NMT2: variants seen among roughly 807,000 people sequenced by gnomAD.
NMT2 encodes N-myristoyltransferase 2.
In NMT2, 35 loss-of-function variants were observed where a neutral mutation model predicts 65.4. The ratio of observed to expected loss-of-function variants is 0.54; its 90% CI spans 0.41 to 0.71. NMT2 has a LOEUF of 0.71. Ranked by LOEUF, NMT2 falls within the 30% of genes least tolerant of loss-of-function variation. The probability of loss-of-function intolerance (pLI) is 0.00; values close to 1 mark genes in which losing one functional copy is unlikely to be tolerated. For synonymous variants in NMT2, 226 were observed against 231.8 expected (o/e 0.98, Z 0.23); for missense variants, 489 against 611.3 (o/e 0.80, Z 2.11).
chr10:15,134,836 G>A (rs1315364766), intron 3 of NMT2, among the ~76,000 whole-genome samples: 7 of 152,020 alleles, frequency 4.6e-5, no homozygotes, highest in Non-Finnish European at 7.4e-5. Context: ...ACAAAAATTA[G>A]CCAGGTGTGG....
chr10:15,158,222 A>G (rs992364593), intron 1 of NMT2, among the ~76,000 whole-genome samples: 21 of 152,152 alleles, frequency 1.4e-4, no homozygotes, highest in African/African-American at 5.1e-4. Context: ...AGGCTGAGGC[A>G]GGAGAATCTC....
intron 6 of NMT2, 27 bp from the exon 7 acceptor site, chr10:15,130,339 A>G (rs1477268776): frequency 6.7e-7 from 1 of 1,492,802 alleles, no homozygotes; most frequent in South Asian, 1.4e-5. Flanking sequence ...GTGAAGATTA[A>G]GAGTCAAAAC....
At chr10:15,132,706 G>A in intron 6 of NMT2, 111 bp downstream of exon 6, 3 of 725,310 alleles carry the variant, frequency 4.1e-6, no homozygotes, top group South Asian at 3.6e-5. Flanking sequence ...GGGATTAGAG[G>A]TGTGAGCCAC....
At position 15,108,003 on chromosome 10, in the gene NMT2, T is replaced by C. The variant is rs753609159; in HGVS notation, c.*1192A>G. ...CAGCATAGAGGAGTATGTGCAATTT[T>C]GCATAAGTAATAAAAACATTCAAAC... On this transcript the variant is annotated 3_prime_UTR_variant, in exon 12 of 12. Coordinates refer to ENST00000378165, the MANE Select transcript of NMT2 (RefSeq NM_004808.3). 2.8e-5 allele frequency: 28 copies of C among 985,728 alleles called. No individual in the cohort carries two copies. The highest frequency in any genetic ancestry group is 3.4e-5 in the Non-Finnish European group (28 of 829,944). The allele number at this position is 985,728 out of a possible 1,614,324, so 61.1% of individuals were successfully genotyped here.
intron 1 of NMT2, among the ~76,000 whole-genome samples, chr10:15,166,221 A>T (rs1429753571): frequency 2.6e-5 from 4 of 152,296 alleles, no homozygotes; most frequent in Admixed American, 6.5e-5. Flanking sequence ...TGGTGGGGTA[A>T]ATGAATTCTT....
intron 1 of NMT2, among the ~76,000 whole-genome samples, chr10:15,147,032 GCAGTAAGCT>G (rs1846986635): frequency 7.3e-6 from 1 of 136,592 alleles, no homozygotes; most frequent in Non-Finnish European, 1.5e-5. Context: ...GGTCAAGGTT[GCAGTAAGCT>G]ATGTTTGCAC....
chr10:15,130,657 T>C (rs922609341), intron 6 of NMT2, among the ~76,000 whole-genome samples: 19 of 136,874 alleles, frequency 1.4e-4, no homozygotes, highest in African/African-American at 4.0e-4. Flanking sequence ...TGAGCCATGA[T>C]TGCATCACTG....
At chr10:15,149,541 C>A (rs974064715) in intron 1 of NMT2, among the ~76,000 whole-genome samples, 1 of 115,598 alleles carries the variant, frequency 8.7e-6, no homozygotes, top group East Asian at 2.9e-4. Flanking sequence ...ATCATCACCA[C>A]CATCACCACC....
rs753823782 is a variant in NMT2, at chr10:15,133,325, T to C, written c.430A>G (p.Lys144Glu). The change falls in exon 4 of 12, where the codon AAA (lysine) becomes GAA (glutamate). Residue 144 changes from lysine (K) to glutamate (E), a missense_variant. Lys to Glu is a moderately conservative substitution (Grantham distance 56, BLOSUM62 1). Coordinates refer to ENST00000378165, the MANE Select transcript of NMT2 (RefSeq NM_004808.3). ...TACGGTTCTTGGCGTACGTTGTCTTTATCTGGTTCAATTGCACCATGAGAT... is the reference window on the plus strand; with the variant it reads ...TACGGTTCTTGGCGTACGTTGTCTTCATCTGGTTCAATTGCACCATGAGAT... ...ITSHGAIEPD[K>E]DNVRQEPYSL... The C allele has an allele frequency of 6.8e-6, 11 of 1,613,984 alleles. No individual in the cohort carries two copies. Among genetic ancestry groups the C allele is most frequent in the African/African-American group, 2.7e-5 (2 of 74,926 alleles).
At position 15,131,314 on chromosome 10, in the gene NMT2, T is replaced by C. The variant is rs533688282; in HGVS notation, c.720-1002A>G. 1.5e-3 allele frequency among the ~76,000 whole-genome samples: 225 copies of C among 147,890 alleles called. 2 individuals carry two copies. Among genetic ancestry groups the C allele is most frequent in the Non-Finnish European group, 2.8e-3 (185 of 66,486 alleles). On this transcript the variant is annotated intron_variant, in intron 6 of 11. Transcript: ENST00000378165. ...CTATGGCTCTTTACGTTTCTTTCCT[T>C]TTTTTTTTTTTTCCTTTTTTGAGAT... is the stretch of plus-strand genomic sequence containing the variant.
intron 9 of NMT2, among the ~76,000 whole-genome samples, chr10:15,114,287 T>G (rs1378076004): frequency 6.6e-6 from 1 of 152,224 alleles, no homozygotes; most frequent in African/African-American, 2.4e-5. Context: ...TTTCATCATC[T>G]GCTTTCAGAA....
chr10:15,113,624 A>AGTTG (rs1845650642), intron 9 of NMT2, among the ~76,000 whole-genome samples: 2 of 152,286 alleles, frequency 1.3e-5, no homozygotes, highest in East Asian at 3.9e-4. Flanking sequence ...TTTAAGGATT[A>AGTTG]GAGGGCTGCC....
intron 8 of NMT2, among the ~76,000 whole-genome samples, chr10:15,127,567 AAAATAAAT>A (rs772973798): frequency 0.02 from 1,755 of 88,408 alleles, 11 homozygotes; most frequent in Middle Eastern, 0.042. Context: ...AAAAAAAAAA[AAAATAAAT>A]AAATAAATAA....
At chr10:15,127,407 CA>C (rs1340371164) in intron 8 of NMT2, among the ~76,000 whole-genome samples, 2 of 148,764 alleles carry the variant, frequency 1.3e-5, no homozygotes, top group African/African-American at 5.0e-5. Flanking sequence ...ATTAGCCGGG[CA>C]TGCTGGCGGG....
intron 9 of NMT2, among the ~76,000 whole-genome samples, chr10:15,117,437 C>G (rs758111823): frequency 6.6e-6 from 1 of 152,186 alleles, no homozygotes; most frequent in Non-Finnish European, 1.5e-5. Context: ...CAGCTAACAT[C>G]ATACTTCATG....
In NMT2 at chr10:15,134,354, G is replaced by A. The variant is rs114314136; in HGVS notation, c.391+920C>T. The stretch of plus-strand genomic sequence containing the variant: ...TCCCAGTGCTCTGGCCATGATGACC[G>A]GGGCAGGCCTCAGCTCAGGGCCTTC... On this transcript the variant is annotated intron_variant, in intron 3 of 11. Coordinates refer to ENST00000378165, the MANE Select transcript of NMT2 (RefSeq NM_004808.3). Among the ~76,000 whole-genome samples, 417 of 152,276 alleles carry A rather than the reference G, an allele frequency of 2.7e-3. 2 individuals carry two copies. Among genetic ancestry groups the A allele is most frequent in the African/African-American group, 9.7e-3 (402 of 41,550 alleles).
At chr10:15,148,375 G>GGT (rs975920715) in intron 1 of NMT2, among the ~76,000 whole-genome samples, 2 of 152,086 alleles carry the variant, frequency 1.3e-5, no homozygotes, top group African/African-American at 4.8e-5. Context: ...TGGGCAAGTT[G>GGT]GTGTGTGTGT....
At chr10:15,161,761 T>C (rs1298220129) in intron 1 of NMT2, among the ~76,000 whole-genome samples, 1 of 152,078 alleles carries the variant, frequency 6.6e-6, no homozygotes, top group Non-Finnish European at 1.5e-5. Context: ...AAACATGTAA[T>C]AGTTAAGAAA....
rs968875728 is a variant in NMT2, at chr10:15,107,084, G to A, written c.*2111C>T. ...TGACTGTGCCACTGTATTCTAGCCT[G>A]GACAATAGAGTGAGACCCTGTCCTA... On this transcript the variant is annotated 3_prime_UTR_variant, in exon 12 of 12. Coordinates refer to ENST00000378165, the MANE Select transcript of NMT2 (RefSeq NM_004808.3). Among the ~76,000 whole-genome samples, 4 of 146,452 alleles carry A rather than the reference G, an allele frequency of 2.7e-5. No homozygotes were observed. The highest frequency in any genetic ancestry group is 5.9e-5 in the Non-Finnish European group (4 of 67,366).
Sources: gnomAD v4.1 joint callset for allele counts (sites outside exome capture counted in the v4.1 genomes callset) on GRCh38, gnomAD v4.1.1 for gene constraint, MANE v1.5 for transcripts, NCBI Gene and HGNC (gene_info 2026-07-23, HGNC 2026-07-21) for gene names.